RPL17: variants seen among roughly 807,000 people sequenced by gnomAD.
RPL17 encodes the protein large ribosomal subunit protein uL22.
A neutral mutation model predicts 27.7 loss-of-function variants in RPL17; 2 were observed. That is an observed-to-expected ratio of 0.07 (90% CI 0.03 to 0.23). The LOEUF is 0.23. Among genes scored for constraint, RPL17 ranks in the 10% least tolerant of loss-of-function variants. The pLI is 1.00. For missense variants in RPL17, 141 were observed against 238.8 expected (o/e 0.59, Z 2.70); for synonymous variants, 76 against 75.5 (o/e 1.01, Z -0.03).
intron 4 of RPL17, 95 bp from the exon 5 acceptor site, chr18:49,490,647 T>C: frequency 6.3e-7 from 1 of 1,595,436 alleles, no homozygotes; most frequent in Non-Finnish European, 8.6e-7. Flanking sequence ...TCTTAGGATA[T>C]GGTTTATTTC....
intron 6 of RPL17, 127 bp downstream of exon 6, chr18:49,489,232 G>T: frequency 1.0e-6 from 1 of 993,032 alleles, no homozygotes; most frequent in Non-Finnish European, 1.4e-6. Flanking sequence ...GCCAAAATAA[G>T]ACAGGTGAAA....
chr18:49,490,196 C>T (rs2083954034), intron 5 of RPL17: 1 of 400,500 alleles, frequency 2.5e-6, no homozygotes, highest in Non-Finnish European at 4.5e-6. Context: ...TGTAAAAAGA[C>T]AGCAGAAAAC....
intron 5 of RPL17, 30 bp from the exon 6 acceptor site, chr18:49,489,580 A>G (rs1383529431): frequency 6.9e-6 from 11 of 1,595,852 alleles, no homozygotes; most frequent in African/African-American, 1.3e-5. Context: ...GAATGAAACC[A>G]GGAACATCCT....
intron 5 of RPL17, 35 bp from the exon 6 acceptor site, chr18:49,489,585 C>T: frequency 6.3e-7 from 1 of 1,593,292 alleles, no homozygotes; most frequent in Non-Finnish European, 8.5e-7. Context: ...AAACCAGGAA[C>T]ATCCTTAATT....
At chr18:49,488,773 T>A (rs1354402935) in intron 6 of RPL17, among the ~76,000 whole-genome samples, 1 of 152,154 alleles carries the variant, frequency 6.6e-6, no homozygotes, top group Non-Finnish European at 1.5e-5. Flanking sequence ...AAGAACTAAA[T>A]GTGATCAATT....
chr18:49,491,705 G>A (rs1273550017), intron 1 of RPL17, 121 bp from the exon 2 acceptor site: 10 of 1,295,094 alleles, frequency 7.7e-6, no homozygotes, highest in African/African-American at 4.4e-5. Context: ...ATCCAAAGGT[G>A]TCCTAAGAAA....
chr18:49,489,563 GGAA>G lies in RPL17; in HGVS notation c.316-16_316-14del, dbSNP rs1600491994. The G allele has an allele frequency of 1.9e-6, 3 of 1,599,088 alleles. No homozygotes were observed. The highest frequency in any genetic ancestry group is 2.5e-6 in the Non-Finnish European group (3 of 1,179,304). On this transcript the variant is annotated splice_polypyrimidine_tract_variant and intron_variant, in intron 5 of 6. Coordinates refer to ENST00000580261, the MANE Select transcript of RPL17 (RefSeq NM_001035006.5). ...CTACATCTAAACCCTGGGGAAGAAA[GGAA>G]GGAGAATGAAACCAGGAACATCCTT... is the stretch of plus-strand genomic sequence containing the variant.
chr18:49,490,304 A>G (rs2083963934), intron 5 of RPL17, 150 bp downstream of exon 5: 1 of 832,974 alleles, frequency 1.2e-6, no homozygotes, highest in Non-Finnish European at 1.8e-6. Context: ...ATAAAAGGAA[A>G]TAGTTTCATT....
intron 1 of RPL17, chr18:49,491,899 G>A (rs1201295641): frequency 1.5e-5 from 7 of 457,722 alleles, no homozygotes; most frequent in African/African-American, 1.2e-4. Flanking sequence ...ATGACTCGAC[G>A]CATCCGCAGG....
rs1012654811 is a variant in RPL17 at position 49,489,294 on chromosome 18, T to G, written c.507+65A>C. The G allele has an allele frequency of 2.1e-5, 33 of 1,551,122 alleles. No homozygotes were observed. In the East Asian group the frequency reaches 6.7e-4, roughly 32 times the overall value. On this transcript the variant is annotated intron_variant, in intron 6 of 6. Coordinates refer to ENST00000580261, the MANE Select transcript of RPL17 (RefSeq NM_001035006.5). ...TAGTTATTCCAAAGGTGTCCTAAGA[T>G]AGTCATCACAGCAACCACAAATCTT...
chr18:49,491,245 TC>T, intron 3 of RPL17, 159 bp downstream of exon 3: 1 of 1,198,614 alleles, frequency 8.3e-7, no homozygotes, highest in South Asian at 1.2e-5. Context: ...AAACGCTACA[TC>T]CTTACACCCT....
chr18:49,489,318 T>C (rs750782756), intron 6 of RPL17, 41 bp downstream of exon 6: 1 of 1,608,998 alleles, frequency 6.2e-7, no homozygotes, highest in East Asian at 2.2e-5. Context: ...ACCACAAATC[T>C]TTCTACTATC....
chr18:49,488,873 G>A (rs924591578), intron 6 of RPL17, among the ~76,000 whole-genome samples: 31 of 151,788 alleles, frequency 2.0e-4, no homozygotes, highest in African/African-American at 7.3e-4. Flanking sequence ...ATAATCATAC[G>A]GGCCTGAGGT....
chr18:49,488,703 G>C (rs990499507), intron 6 of RPL17, 137 bp from the exon 7 acceptor site: 6 of 632,798 alleles, frequency 9.5e-6, no homozygotes, highest in East Asian at 5.5e-5. Flanking sequence ...GAAATCAACA[G>C]AACTTAAGTT....
In RPL17 at chr18:49,490,117, A is replaced by G. The variant is rs1478692769; in HGVS notation, c.315+337T>C. 6.5e-5 allele frequency: 16 copies of G among 244,516 alleles called. No homozygotes were observed. In the East Asian group the frequency reaches 1.7e-3, roughly 25 times the overall value. The allele number at this position is 244,516 out of a possible 1,614,324, so 15.1% of individuals were successfully genotyped here. On this transcript the variant is annotated intron_variant, in intron 5 of 6. Coordinates refer to ENST00000580261, the MANE Select transcript of RPL17 (RefSeq NM_001035006.5). ...AATCACTGCTAAGGCAATCATTTTG[A>G]TAATTAATCATACTACCAAAGGTGT... is the stretch of plus-strand genomic sequence containing the variant.
chr18:49,491,508 G>C (rs1283664745), intron 2 of RPL17, 24 bp downstream of exon 2: 1 of 1,613,998 alleles, frequency 6.2e-7, no homozygotes, highest in African/African-American at 1.3e-5. Flanking sequence ...GTAGGAAATG[G>C]GTATCTACCT....
chr18:49,490,815 C>T lies in RPL17; in HGVS notation c.194G>A (p.Gly65Asp), dbSNP rs775018673. 2 of 1,612,992 alleles carry T rather than the reference C, an allele frequency of 1.2e-6. No homozygotes were observed. Among genetic ancestry groups the T allele is most frequent in the South Asian group, 1.1e-5 (1 of 91,018 alleles). ...KQCVPFRRYN[G>D]GVGRCAQAKQ... Reference sequence around the variant, plus strand: ...CACCTGCGCACACCTGCCAACTCCACCATTGTAACGTCGGAATGGTACACA... The same window carrying T: ...CACCTGCGCACACCTGCCAACTCCATCATTGTAACGTCGGAATGGTACACA... Residue 65 changes from glycine (G) to aspartate (D), a missense_variant, in exon 4 of 7, where the codon GGT (glycine) becomes GAT (aspartate). Gly to Asp is a moderately conservative substitution (Grantham distance 94, BLOSUM62 -1). Around this residue, in one of 2 missense-constraint regions of RPL17, gnomAD observed 107 missense variants for 150.1 expected, o/e 0.71. Coordinates refer to ENST00000580261, the MANE Select transcript of RPL17 (RefSeq NM_001035006.5).
intron 1 of RPL17, chr18:49,491,878 C>T (rs961767725): frequency 1.2e-5 from 6 of 519,002 alleles, no homozygotes; most frequent in Non-Finnish European, 1.8e-5. Flanking sequence ...GCTGGATCTT[C>T]CAGGCGTAAA....
intron 5 of RPL17, 143 bp from the exon 6 acceptor site, chr18:49,489,693 T>C (rs772533625): frequency 1.1e-6 from 1 of 875,030 alleles, no homozygotes; most frequent in Non-Finnish European, 1.7e-6. Context: ...AATCCTTTTA[T>C]TCTGCAAATA....
Sources: gnomAD v4.1 joint callset for allele counts (sites outside exome capture counted in the v4.1 genomes callset) on GRCh38, gnomAD v4.1.1 for gene constraint, gnomAD v4.1.1 regional missense constraint, MANE v1.5 for transcripts, NCBI Gene and HGNC (gene_info 2026-07-23, HGNC 2026-07-21) for gene names.